Variants in SCFD2 observed in about 807,000 individuals in gnomAD.
SCFD2 encodes the protein sec1 family domain containing 2.
A neutral mutation model predicts 58.9 loss-of-function variants in SCFD2; 54 were observed. That is an observed-to-expected ratio of 0.92 (90% CI 0.74 to 1.15). The LOEUF (loss-of-function observed/expected upper bound fraction) is 1.15, where lower values mean the gene tolerates loss of function less well. SCFD2 is among the 50% of genes most tolerant of loss of function. The pLI, the probability that SCFD2 is intolerant of heterozygous loss-of-function variation, is 0.00. For missense variants in SCFD2, 805 were observed against 836.6 expected (o/e 0.96, Z 0.47); for synonymous variants, 321 against 335.9 (o/e 0.96, Z 0.49).
At chr4:52,894,986 T>C (rs1355057166) in intron 7 of SCFD2, among the ~76,000 whole-genome samples, 5 of 152,278 alleles carry the variant, frequency 3.3e-5, no homozygotes, top group African/African-American at 1.2e-4. Context: ...CTTTCTGGGC[T>C]CACTTATTTT....
chr4:53,139,143 T>C (rs1374281220), intron 5 of SCFD2, among the ~76,000 whole-genome samples: 3 of 152,198 alleles, frequency 2.0e-5, no homozygotes, highest in African/African-American at 4.8e-5. Context: ...GGTGCCGGGA[T>C]TGCAGACGGA....
chr4:53,307,532 T>A (rs1732554686), intron 3 of SCFD2, among the ~76,000 whole-genome samples: 1 of 152,166 alleles, frequency 6.6e-6, no homozygotes, highest in Non-Finnish European at 1.5e-5. Context: ...CAGAAGACAT[T>A]AAACACACCA....
At chr4:53,207,835 G>A (rs887273878) in intron 4 of SCFD2, among the ~76,000 whole-genome samples, 1 of 150,904 alleles carries the variant, frequency 6.6e-6, no homozygotes, top group Non-Finnish European at 1.5e-5. Context: ...CACCATGATT[G>A]TAAGTTTCTT....
chr4:53,304,507 T>G (rs1218351878), intron 3 of SCFD2, among the ~76,000 whole-genome samples: 1 of 152,060 alleles, frequency 6.6e-6, no homozygotes, highest in Non-Finnish European at 1.5e-5. Context: ...GCCACATTTC[T>G]TGGAGGCTTT....
rs1410006013 is a variant in SCFD2 at position 53,340,542 on chromosome 4, T to C, written c.1007+12056A>G. On this transcript the variant is annotated intron_variant, in intron 2 of 8. Transcript: ENST00000401642. ...AGACTCCACCTCTGGGGACAGGGCA[T>C]AGCTGAACAAAAGGCAGCGAAAACT... Among the ~76,000 whole-genome samples the C allele has an allele frequency of 3.3e-5, 5 of 152,286 alleles. No individual in the cohort carries two copies. The East Asian group carries it at 9.6e-4, about 29-fold the overall frequency.
intron 5 of SCFD2, among the ~76,000 whole-genome samples, chr4:53,115,108 A>T (rs1186788220): frequency 3.9e-5 from 6 of 152,164 alleles, no homozygotes. Flanking sequence ...AAAACAAATT[A>T]TAAAATGGTA....
chr4:53,335,655 G>C (rs1019786486), intron 2 of SCFD2, among the ~76,000 whole-genome samples: 28 of 152,112 alleles, frequency 1.8e-4, no homozygotes, highest in African/African-American at 6.0e-4. Context: ...AATGTTTCAG[G>C]TGAGGGGAAA....
chr4:53,024,704 CTTTT>C (rs374465004), intron 5 of SCFD2, among the ~76,000 whole-genome samples: 1 of 142,048 alleles, frequency 7.0e-6, no homozygotes, highest in Non-Finnish European at 1.5e-5. Flanking sequence ...TGTCTCAGGC[CTTTT>C]TTTTTTTTTG....
intron 3 of SCFD2, among the ~76,000 whole-genome samples, chr4:53,289,101 A>G (rs1731759043): frequency 6.6e-6 from 1 of 152,204 alleles, no homozygotes; most frequent in South Asian, 2.1e-4. Flanking sequence ...ATGGTGGCTC[A>G]TGCCTGTAAT....
intron 5 of SCFD2, among the ~76,000 whole-genome samples, chr4:53,015,544 A>G (rs28652757): frequency 0.24 from 37,200 of 152,050 alleles, 4,691 homozygotes; most frequent in Middle Eastern, 0.38. Flanking sequence ...GTCAGTCATC[A>G]GGCGGTTCAG....
At chr4:53,161,236 G>A (rs1024538580) in intron 4 of SCFD2, among the ~76,000 whole-genome samples, 1 of 152,142 alleles carries the variant, frequency 6.6e-6, no homozygotes, top group African/African-American at 2.4e-5. Flanking sequence ...TTACACAGCT[G>A]TCTTCAGTTA....
At chr4:53,062,779 A>G (rs956439909) in intron 5 of SCFD2, among the ~76,000 whole-genome samples, 7 of 152,208 alleles carry the variant, frequency 4.6e-5, no homozygotes, top group African/African-American at 1.7e-4. Flanking sequence ...GAACAGTGAC[A>G]CACAAAAAGA....
At chr4:53,051,336 G>A (rs1723186156) in intron 5 of SCFD2, among the ~76,000 whole-genome samples, 1 of 152,136 alleles carries the variant, frequency 6.6e-6, no homozygotes, top group Non-Finnish European at 1.5e-5. Flanking sequence ...GCATGCAACT[G>A]TATGCAGAAG....
chr4:53,343,603 T>A (rs1733958980), intron 2 of SCFD2, among the ~76,000 whole-genome samples: 1 of 152,220 alleles, frequency 6.6e-6, no homozygotes, highest in African/African-American at 2.4e-5. Context: ...ACTCATTTTA[T>A]GAGGCCAGCA....
intron 4 of SCFD2, among the ~76,000 whole-genome samples, chr4:53,148,096 G>A (rs1726388622): frequency 6.6e-6 from 1 of 152,104 alleles, no homozygotes; most frequent in African/African-American, 2.4e-5. Context: ...CCCATTTCTA[G>A]AAACTATGTG....
At chr4:53,357,524 A>G (rs1426755193) in intron 1 of SCFD2, among the ~76,000 whole-genome samples, 1 of 152,222 alleles carries the variant, frequency 6.6e-6, no homozygotes, top group Admixed American at 6.5e-5. Context: ...AAACCTCAAC[A>G]GCTCAATGAG....
intron 2 of SCFD2, among the ~76,000 whole-genome samples, chr4:53,331,916 T>C (rs1733488396): frequency 6.6e-6 from 1 of 151,998 alleles, no homozygotes; most frequent in African/African-American, 2.4e-5. Context: ...AAAGGGGATA[T>C]CACCACCAAT....
chr4:53,190,507 C>A (rs542476622), intron 4 of SCFD2, among the ~76,000 whole-genome samples: 94 of 152,276 alleles, frequency 6.2e-4, no homozygotes, highest in Admixed American at 4.0e-3. Flanking sequence ...CTTAGTGAGG[C>A]CTTCTTGACC....
At chr4:52,971,932 G>C (rs1338402467) in intron 5 of SCFD2, among the ~76,000 whole-genome samples, 1 of 152,040 alleles carries the variant, frequency 6.6e-6, no homozygotes, top group Non-Finnish European at 1.5e-5. Flanking sequence ...CATAAGTGAA[G>C]GAGAAATAAA....
Sources: gnomAD v4.1 joint callset for allele counts (sites outside exome capture counted in the v4.1 genomes callset) on GRCh38, gnomAD v4.1.1 for gene constraint, MANE v1.5 for transcripts, NCBI Gene and HGNC (gene_info 2026-07-23, HGNC 2026-07-21) for gene names.